The following HERC3 variants were observed in gnomAD, a reference collection of about 807,000 sequenced individuals.
The protein encoded by HERC3 is HECT and RLD domain containing E3 ubiquitin protein ligase 3.
Under a neutral mutation model 129.9 loss-of-function variants are expected in HERC3, and 58 were observed. The ratio of observed to expected loss-of-function variants is 0.45; its 90% confidence interval spans 0.36 to 0.56. The LOEUF (loss-of-function observed/expected upper bound fraction) is 0.56. Ranked by LOEUF, HERC3 falls within the 20% of genes least tolerant of loss-of-function variation. HERC3 has a pLI of 0.00. For synonymous variants in HERC3, 430 were observed against 451.0 expected (o/e 0.95, Z 0.59); for missense variants, 835 against 1,244.2 (o/e 0.67, Z 4.95).
chr4:88,589,924 C>T (rs1327001348), upstream of HERC3, among the ~76,000 whole-genome samples: 1 of 152,198 alleles, frequency 6.6e-6, no homozygotes, highest in Non-Finnish European at 1.5e-5. Context: ...CATTTCTAGG[C>T]TTGAGTCTTT....
intron 3 of HERC3, among the ~76,000 whole-genome samples, chr4:88,638,915 G>A (rs1422082687): frequency 5.9e-5 from 9 of 152,066 alleles, no homozygotes; most frequent in Admixed American, 5.9e-4. Context: ...AAATCAATGT[G>A]CAAAAATCAC....
the HERC3 span, among the ~76,000 whole-genome samples, chr4:88,555,264 A>G: frequency 5.4e-5 from 8 of 147,700 alleles, no homozygotes; most frequent in African/African-American, 2.1e-4. Context: ...GCCTGGTGAC[A>G]GAGCGAGACT....
the HERC3 span, among the ~76,000 whole-genome samples, chr4:88,577,310 T>A: frequency 6.6e-6 from 1 of 152,200 alleles, no homozygotes; most frequent in East Asian, 1.9e-4. Context: ...AAGCCTCATC[T>A]AATAGCAAGT....
the HERC3 span, among the ~76,000 whole-genome samples, chr4:88,554,971 C>G: frequency 5.3e-5 from 8 of 152,108 alleles, no homozygotes; most frequent in African/African-American, 1.9e-4. Context: ...AGAAAATTAT[C>G]AGACAGGTGA....
chr4:88,586,372 T>C, the HERC3 span, among the ~76,000 whole-genome samples: 32 of 151,644 alleles, frequency 2.1e-4, no homozygotes, highest in Non-Finnish European at 3.7e-4. Context: ...TTTTTTTTTT[T>C]TTTGAGACGG....
At chr4:88,682,455 A>G (rs1237822567) in intron 21 of HERC3, among the ~76,000 whole-genome samples, 1 of 151,074 alleles carries the variant, frequency 6.6e-6, no homozygotes, top group African/African-American at 2.4e-5. Flanking sequence ...TGTATTTCCT[A>G]ATGCTATCCT....
rs966346192 is a variant in HERC3 at position 88,678,526 on chromosome 4, A to G, written c.2196+392A>G. On this transcript the variant is annotated intron_variant, in intron 19 of 25. Coordinates refer to ENST00000402738, the MANE Select transcript of HERC3 (RefSeq NM_014606.3). ...TAAAATAGGAAAATGGAAAGGTAGT[A>G]AAATCATCTGGGAAGCTATTGGCCT... Among the ~76,000 whole-genome samples, 13 of 152,212 alleles carry G rather than the reference A, an allele frequency of 8.5e-5. No individual in the cohort carries two copies. The East Asian group carries it at 2.5e-3, about 29-fold the overall frequency.
At chr4:88,614,752 C>T (rs1007957919) in intron 3 of HERC3, among the ~76,000 whole-genome samples, 4 of 152,170 alleles carry the variant, frequency 2.6e-5, no homozygotes, top group Admixed American at 2.6e-4. Context: ...ACTGATTCAG[C>T]AGACATTTAC....
chr4:88,691,978 A>G (rs753298524), intron 23 of HERC3, among the ~76,000 whole-genome samples: 9 of 152,254 alleles, frequency 5.9e-5, no homozygotes, highest in Non-Finnish European at 1.0e-4. Flanking sequence ...AGGAATACCA[A>G]TTCTGTATTC....
rs752786598 is a variant in HERC3, at chr4:88,605,877, G to T, written c.54G>T (p.Leu18=). Residue 18 remains leucine (L), a synonymous_variant, in exon 3 of 26, where the codon CTG becomes CTT. Coordinates refer to ENST00000402738, the MANE Select transcript of HERC3 (RefSeq NM_014606.3). ...GCCAACCTGGTATCAGCACCAACCT[G>T]CAGGGAATTGTGGCTGAGCCCCAGG... ...SLGQPGISTN[L]QGIVAEPQVC... is the part of the protein sequence containing the mutation. The T allele has an allele frequency of 4.3e-6, 7 of 1,614,090 alleles. No individual in the cohort carries two copies. The highest frequency in any genetic ancestry group is 2.7e-5 in the African/African-American group (2 of 74,930).
chr4:88,610,645 G>C (rs889824966), intron 3 of HERC3, among the ~76,000 whole-genome samples: 1 of 152,126 alleles, frequency 6.6e-6, no homozygotes, highest in Admixed American at 6.5e-5. Context: ...CTATCAGGCA[G>C]CCTCACTGCA....
At chr4:88,692,640 T>C (rs1734193230) in intron 23 of HERC3, among the ~76,000 whole-genome samples, 1 of 152,220 alleles carries the variant, frequency 6.6e-6, no homozygotes, top group Admixed American at 6.5e-5. Context: ...CCAGTAACAC[T>C]TCTTGAGTGC....
chr4:88,687,133 TA>T, intron 22 of HERC3, 83 bp from the exon 23 acceptor site: 1 of 1,013,128 alleles, frequency 9.9e-7, no homozygotes, highest in South Asian at 1.5e-5. Flanking sequence ...CATTTGTTCC[TA>T]AAGCCTCTCT....
chr4:88,590,335 C>T (rs201303832), upstream of HERC3, among the ~76,000 whole-genome samples: 7 of 151,896 alleles, frequency 4.6e-5, no homozygotes, highest in East Asian at 1.2e-3. Flanking sequence ...CCGAGGTGGG[C>T]GGATCACGAG....
intron 3 of HERC3, among the ~76,000 whole-genome samples, chr4:88,634,118 G>A (rs1410125385): frequency 1.4e-5 from 2 of 146,270 alleles, no homozygotes; most frequent in Middle Eastern, 7.4e-3. Flanking sequence ...CCACCTGAGA[G>A]CCACACAGGG....
intron 12 of HERC3, among the ~76,000 whole-genome samples, chr4:88,665,829 A>G (rs1730989013): frequency 6.6e-6 from 1 of 152,170 alleles, no homozygotes; most frequent in Non-Finnish European, 1.5e-5. Context: ...TTCATTTCAT[A>G]TTTAGTAATT....
intron 3 of HERC3, among the ~76,000 whole-genome samples, chr4:88,647,350 T>C (rs1728802997): frequency 6.6e-6 from 1 of 152,126 alleles, no homozygotes; most frequent in African/African-American, 2.4e-5. Flanking sequence ...TGCTAGTCAG[T>C]AGCAGGAAGG....
chr4:88,655,147 A>C (rs201578774), intron 7 of HERC3, 27 bp from the exon 8 acceptor site: 1 of 1,612,688 alleles, frequency 6.2e-7, no homozygotes, highest in Admixed American at 1.7e-5. Flanking sequence ...GATACAGTGA[A>C]GTCCTATGGT....
chr4:88,566,224 G>C, the HERC3 span, among the ~76,000 whole-genome samples: 5 of 152,108 alleles, frequency 3.3e-5, no homozygotes, highest in Admixed American at 3.3e-4. Flanking sequence ...AGAAAATGCA[G>C]TATTTGGTTT....
Sources: allele counts gnomAD v4.1 joint callset (sites outside exome capture counted in the v4.1 genomes callset), GRCh38; gene constraint gnomAD v4.1.1; transcripts MANE v1.5; gene names NCBI Gene and HGNC (gene_info 2026-07-23, HGNC 2026-07-21).